EIF3L: variants seen among roughly 807,000 people sequenced by gnomAD.
The protein encoded by EIF3L is eukaryotic translation initiation factor 3 subunit L.
A neutral mutation model predicts 74.6 loss-of-function variants in EIF3L; 32 were observed. The observed-to-expected ratio is 0.43, with a 90% CI of 0.32 to 0.58. The LOEUF (loss-of-function observed/expected upper bound fraction) is 0.58. Among genes scored for constraint, EIF3L ranks in the 20% least tolerant of loss-of-function variants. The probability of loss-of-function intolerance (pLI) is 0.06; values close to 1 mark genes in which losing one functional copy is unlikely to be tolerated. For synonymous variants in EIF3L, 256 were observed against 254.4 expected, an observed-to-expected ratio of 1.01 and a Z score of -0.06; for missense variants, 474 against 707.8, an observed-to-expected ratio of 0.67 and a Z score of 3.75.
chr22:37,861,372 A>C (rs1224937031), intron 5 of EIF3L, among the ~76,000 whole-genome samples: 3 of 152,126 alleles, frequency 2.0e-5, no homozygotes, highest in Non-Finnish European at 4.4e-5. Flanking sequence ...GGGATCTCTG[A>C]CTACTTTATC....
intron 4 of EIF3L, among the ~76,000 whole-genome samples, chr22:37,856,408 A>T (rs1925509305): frequency 6.6e-6 from 1 of 152,112 alleles, no homozygotes; most frequent in Non-Finnish European, 1.5e-5. Context: ...TTTTTTGTAG[A>T]TACCGGGTCA....
chr22:37,878,056 G>A lies in EIF3L; in HGVS notation c.1460G>A (p.Arg487Gln), dbSNP rs781017938. 2.7e-5 allele frequency: 44 copies of A among 1,613,990 alleles called. No individual in the cohort carries two copies. Among genetic ancestry groups the A allele is most frequent in the Middle Eastern group, 1.6e-4 (1 of 6,070 alleles). Residue 487 changes from arginine to glutamine, a missense_variant, in exon 11 of 13, where the codon CGG (arginine) becomes CAG (glutamine). Coordinates refer to ENST00000652021, the MANE Select transcript of EIF3L (RefSeq NM_016091.4). The stretch of plus-strand genomic sequence containing the variant: ...CTGGACCTCACAGAGCAGGAGTTCC[G>A]GATCCAGCTTCTTGTCTTCAAACAC... ...GFLDLTEQEF[R>Q]IQLLVFKHKM...
At chr22:37,858,766 T>G (rs560470503) in intron 5 of EIF3L, 26 bp downstream of exon 5, 131 of 1,586,276 alleles carry the variant, frequency 8.3e-5, no homozygotes, top group Admixed American at 6.0e-4. Flanking sequence ...TCGCAGTTTT[T>G]TTTTTGTTTT....
intron 12 of EIF3L, chr22:37,887,331 C>T (rs1927377077): frequency 1.3e-5 from 2 of 151,958 alleles, no homozygotes; most frequent in Non-Finnish European, 2.9e-5. Flanking sequence ...AAAAAGAGGC[C>T]AGGTGCAGTG....
In EIF3L at chr22:37,863,027, A is replaced by G. The variant is rs750906417; in HGVS notation, c.494A>G (p.Asn165Ser). The G allele has an allele frequency of 6.2e-7, 1 of 1,613,210 alleles. No homozygotes were observed. The highest frequency in any genetic ancestry group is 8.5e-7 in the Non-Finnish European group (1 of 1,179,772). ...TATTACAACTACTGCAATCTCTTCA[A>G]CTACATTCTTAGTGAGTCTGAGATT... Reference protein sequence around the residue: ...ESYYNYCNLFNYILNADGPAP... With the variant: ...ESYYNYCNLFSYILNADGPAP... The change falls in exon 6 of 13, where the codon AAC (asparagine) becomes AGC (serine). Residue 165 changes from asparagine (N) to serine (S), a missense_variant. Asn to Ser is a conservative substitution (Grantham distance 46, BLOSUM62 1). Transcript: ENST00000652021.
intron 5 of EIF3L, among the ~76,000 whole-genome samples, chr22:37,862,427 G>A (rs1016669207): frequency 6.6e-6 from 1 of 152,174 alleles, no homozygotes; most frequent in Admixed American, 6.5e-5. Flanking sequence ...TGTCAGATCT[G>A]TTCAGCTATG....
Position 37,849,993 on chromosome 22 carries a change from G to GA in EIF3L, c.34-21dup, listed in dbSNP as rs767170393. 3.7e-6 allele frequency: 6 copies of GA among 1,613,388 alleles called. No homozygotes were observed. In the Admixed American group the frequency reaches 6.7e-5, roughly 18 times the overall value. On this transcript the variant is annotated intron_variant, in intron 1 of 12. Coordinates refer to ENST00000652021, the MANE Select transcript of EIF3L (RefSeq NM_016091.4). Reference sequence around the variant, plus strand: ...AATTCACGACTTGGCGGCTGTCCTTGACTGTGTCTCTTTCCTTCTAGGCGG... The same window carrying GA: ...AATTCACGACTTGGCGGCTGTCCTTGAACTGTGTCTCTTTCCTTCTAGGCGG...
chr22:37,875,740 T>G (rs1192241297), intron 9 of EIF3L, 101 bp from the exon 10 acceptor site: 2 of 1,091,988 alleles, frequency 1.8e-6, no homozygotes, highest in African/African-American at 1.6e-5. Flanking sequence ...TTCCTCTGGA[T>G]AGTTGAGGGC....
At chr22:37,888,232 A>G in intron 12 of EIF3L, 194 bp from the exon 13 acceptor site, 1 of 552,956 alleles carries the variant, frequency 1.8e-6, no homozygotes, top group Non-Finnish European at 3.2e-6. Context: ...GGCAGATAAA[A>G]GAATAATCCG....
intron 7 of EIF3L, 65 bp downstream of exon 7, chr22:37,863,410 G>A (rs538057738): frequency 1.4e-5 from 19 of 1,361,926 alleles, no homozygotes; most frequent in Non-Finnish European, 1.8e-5. Context: ...TGTTACTATT[G>A]TTTGTGTAAA....
At chr22:37,861,230 C>T (rs1925838109) in intron 5 of EIF3L, among the ~76,000 whole-genome samples, 1 of 152,140 alleles carries the variant, frequency 6.6e-6, no homozygotes, top group African/African-American at 2.4e-5. Flanking sequence ...CAGTTACTCA[C>T]CCCTCTTCTC....
intron 7 of EIF3L, among the ~76,000 whole-genome samples, chr22:37,869,782 C>T (rs1416514914): frequency 6.6e-6 from 1 of 152,094 alleles, no homozygotes; most frequent in South Asian, 2.1e-4. Flanking sequence ...TAACCCAGGG[C>T]GTACCACAGT....
intron 3 of EIF3L, among the ~76,000 whole-genome samples, chr22:37,853,375 T>C (rs1925332539): frequency 6.6e-6 from 1 of 152,170 alleles, no homozygotes; most frequent in Admixed American, 6.5e-5. Context: ...GAAAGGACAG[T>C]TGGAAGAGGG....
intron 10 of EIF3L, 76 bp downstream of exon 10, chr22:37,876,087 G>T: frequency 6.7e-7 from 1 of 1,484,304 alleles, no homozygotes. Context: ...ACCATTCTTG[G>T]TAAACACCAT....
intron 4 of EIF3L, among the ~76,000 whole-genome samples, chr22:37,856,362 C>A (rs967473531): frequency 2.0e-5 from 3 of 152,086 alleles, no homozygotes; most frequent in African/African-American, 7.2e-5. Context: ...TAGGCATGAG[C>A]CACCGCACCC....
In EIF3L at chr22:37,886,755, T is replaced by C; in HGVS notation, c.1576-10T>C. ...TGGCTGCTCTTCCCTGACTGTGCTTTCCCCCACAGGACATGATCCACATCG... is the reference window on the plus strand; with the variant it reads ...TGGCTGCTCTTCCCTGACTGTGCTTCCCCCCACAGGACATGATCCACATCG... On this transcript the variant is annotated splice_polypyrimidine_tract_variant and intron_variant, in intron 11 of 12. Coordinates refer to ENST00000652021, the MANE Select transcript of EIF3L (RefSeq NM_016091.4). 6.2e-7 allele frequency: 1 copy of C among 1,605,534 alleles called. No individual in the cohort carries two copies. Among genetic ancestry groups the C allele is most frequent in the Non-Finnish European group, 8.5e-7 (1 of 1,174,532 alleles).
chr22:37,860,070 A>G (rs570277460), intron 5 of EIF3L, among the ~76,000 whole-genome samples: 3 of 152,298 alleles, frequency 2.0e-5, no homozygotes, highest in South Asian at 4.1e-4. Context: ...CTTAATCTCT[A>G]TCTTTAGCCT....
intron 11 of EIF3L, 188 bp from the exon 12 acceptor site, chr22:37,886,577 A>AT (rs555197470): frequency 3.4e-4 from 135 of 391,510 alleles, no homozygotes; most frequent in African/African-American, 2.7e-3. Context: ...CAAAAAAAAA[A>AT]AGAAAAGAAA....
intron 7 of EIF3L, among the ~76,000 whole-genome samples, chr22:37,869,437 G>T (rs1401637671): frequency 6.6e-6 from 1 of 152,180 alleles, no homozygotes; most frequent in African/African-American, 2.4e-5. Flanking sequence ...TGCTGGAAGA[G>T]TTGAAGAACA....
Sources: allele counts gnomAD v4.1 joint callset (sites outside exome capture counted in the v4.1 genomes callset), GRCh38; gene constraint gnomAD v4.1.1; transcripts MANE v1.5; gene names NCBI Gene and HGNC (gene_info 2026-07-23, HGNC 2026-07-21).